CACNA1C: variants seen among roughly 807,000 people sequenced by gnomAD.
CACNA1C encodes voltage-dependent L-type calcium channel subunit alpha-1C.
Under a neutral mutation model 229.0 loss-of-function variants are expected in CACNA1C, and 30 were observed. That is an observed-to-expected ratio of 0.13 (90% CI 0.10 to 0.18). The LOEUF is 0.18. Ranked by LOEUF, CACNA1C falls within the 10% of genes least tolerant of loss-of-function variation. The pLI, the probability that CACNA1C is intolerant of heterozygous loss-of-function variation, is 1.00. For synonymous variants in CACNA1C, 1,114 were observed against 1,132.5 expected (o/e 0.98, Z 0.33); for missense variants, 1,658 against 2,845.0 (o/e 0.58, Z 9.49).
intron 3 of CACNA1C, among the ~76,000 whole-genome samples, chr12:2,271,881 G>A (rs995602748): frequency 6.6e-6 from 1 of 152,150 alleles, no homozygotes; most frequent in Non-Finnish European, 1.5e-5. Flanking sequence ...GGGTGAGAGA[G>A]TGAGACTGTC....
At chr12:2,150,365 C>T (rs1186833028) in intron 3 of CACNA1C, among the ~76,000 whole-genome samples, 2 of 152,180 alleles carry the variant, frequency 1.3e-5, no homozygotes, top group Non-Finnish European at 2.9e-5. Flanking sequence ...CCTCCATTCC[C>T]CAGTCTCCCA....
At chr12:2,024,955 T>C (rs2047058664) in intron 1 of CACNA1C, among the ~76,000 whole-genome samples, 1 of 152,216 alleles carries the variant, frequency 6.6e-6, no homozygotes, top group South Asian at 2.1e-4. Context: ...TATCCTGCAC[T>C]GTTCTTGTTT....
At chr12:2,604,262 G>A (rs183632552) in intron 22 of CACNA1C, among the ~76,000 whole-genome samples, 1 of 152,314 alleles carries the variant, frequency 6.6e-6, no homozygotes, top group East Asian at 1.9e-4. Flanking sequence ...GAGAGGAGAA[G>A]GGGACTGAGA....
chr12:2,157,433 T>C (rs535325065), intron 3 of CACNA1C, among the ~76,000 whole-genome samples: 1 of 152,306 alleles, frequency 6.6e-6, no homozygotes, highest in East Asian at 1.9e-4. Flanking sequence ...ACTGGCACAA[T>C]GGAGGGCAGC....
chr12:2,407,237 G>A (rs1252934012), intron 3 of CACNA1C, among the ~76,000 whole-genome samples: 2 of 152,292 alleles, frequency 1.3e-5, no homozygotes, highest in Admixed American at 6.5e-5. Context: ...CCTAGTTGGG[G>A]TGGAAGTTCA....
At chr12:2,573,338 A>G (rs1010376155) in intron 13 of CACNA1C, among the ~76,000 whole-genome samples, 3 of 152,190 alleles carry the variant, frequency 2.0e-5, no homozygotes, top group Non-Finnish European at 4.4e-5. Flanking sequence ...TGATTCTTAC[A>G]TCTCCACTGT....
At position 2,467,688 on chromosome 12, in the gene CACNA1C, A is replaced by G. The variant is rs2099567695; in HGVS notation, c.757+9982A>G. ...CACGCCCAGCCCCGCCCTGCCCCTT[A>G]GCACCTGCCAGGCCCACCCTCTCCC... is the stretch of plus-strand genomic sequence containing the variant. On this transcript the variant is annotated intron_variant, in intron 5 of 46. Transcript: ENST00000399655. This position sits in a 1 kb window ranked among gnomAD's most constrained non-coding sequence, Gnocchi z 4.6. Among the ~76,000 whole-genome samples, 1 of 151,996 alleles carries G rather than the reference A, an allele frequency of 6.6e-6. No individual in the cohort carries two copies. Among genetic ancestry groups the G allele is most frequent in the South Asian group, 2.1e-4 (1 of 4,818 alleles).
At chr12:2,471,932 G>A (rs2099595708) in intron 5 of CACNA1C, among the ~76,000 whole-genome samples, 1 of 152,178 alleles carries the variant, frequency 6.6e-6, no homozygotes, top group African/African-American at 2.4e-5. Flanking sequence ...ACCTGCCTAG[G>A]CCTCCCAGAG....
intron 1 of CACNA1C, among the ~76,000 whole-genome samples, chr12:2,012,891 C>T (rs1399975262): frequency 1.3e-5 from 2 of 152,200 alleles, no homozygotes; most frequent in African/African-American, 2.4e-5. Context: ...TGTATTTCTA[C>T]TCCAGTGTCA....
chr12:2,272,942 C>T (rs755569700), intron 3 of CACNA1C, among the ~76,000 whole-genome samples: 4 of 152,180 alleles, frequency 2.6e-5, no homozygotes, highest in Non-Finnish European at 5.9e-5. Context: ...GCTCATATTA[C>T]ATATTACAGT....
At chr12:2,375,283 G>C (rs1223364776) in intron 3 of CACNA1C, among the ~76,000 whole-genome samples, 1 of 152,196 alleles carries the variant, frequency 6.6e-6, no homozygotes, top group Non-Finnish European at 1.5e-5. Context: ...GGGACAGGTT[G>C]GGCTGAGATC....
At chr12:2,209,143 A>G (rs1428668365) in intron 3 of CACNA1C, among the ~76,000 whole-genome samples, 1 of 152,212 alleles carries the variant, frequency 6.6e-6, no homozygotes, top group African/African-American at 2.4e-5. Flanking sequence ...TGCCACTTCT[A>G]TCAGTAAGAC....
At chr12:2,231,651 T>G (rs979523503) in intron 3 of CACNA1C, among the ~76,000 whole-genome samples, 9 of 152,172 alleles carry the variant, frequency 5.9e-5, no homozygotes, top group African/African-American at 1.9e-4. Context: ...TCTTCCTATT[T>G]TGCAAGCAGC....
rs1461205418 is a variant in CACNA1C at position 2,479,504 on chromosome 12, A to G, written c.758-6600A>G. Reference sequence around the variant, plus strand: ...TGACTCTTTTTGTTTGGATTTGGCTAAAGTTTATTTGGAAATACAGAAGGC... The same window carrying G: ...TGACTCTTTTTGTTTGGATTTGGCTGAAGTTTATTTGGAAATACAGAAGGC... On this transcript the variant is annotated intron_variant, in intron 5 of 46. Coordinates refer to ENST00000399655, the MANE Select transcript of CACNA1C (RefSeq NM_000719.7). The surrounding 1 kb of genome is among the most constrained non-coding windows in gnomAD (Gnocchi z 4.3). Among the ~76,000 whole-genome samples the G allele has an allele frequency of 6.6e-6, 1 of 152,234 alleles. No homozygotes were observed. The highest frequency in any genetic ancestry group is 1.5e-5 in the Non-Finnish European group (1 of 68,042).
intron 5 of CACNA1C, among the ~76,000 whole-genome samples, chr12:2,466,867 A>G (rs377672207): frequency 1.7e-4 from 26 of 152,206 alleles, no homozygotes; most frequent in African/African-American, 6.0e-4. Context: ...CACTGCTTGC[A>G]GACCTTCAGC....
chr12:2,669,344 A>AG (rs2096423614), intron 38 of CACNA1C, among the ~76,000 whole-genome samples: 1 of 151,664 alleles, frequency 6.6e-6, no homozygotes, highest in Non-Finnish European at 1.5e-5. Flanking sequence ...AACTGAAAAA[A>AG]AAAATTGCAA....
rs1466628750 is a variant in CACNA1C at position 2,608,399 on chromosome 12, G to A, written c.3357-112G>A. 1 of 758,544 alleles carries A rather than the reference G, an allele frequency of 1.3e-6. No individual in the cohort carries two copies. Among genetic ancestry groups the A allele is most frequent in the South Asian group, 2.0e-5 (1 of 50,112 alleles). The allele number at this position is 758,544 out of a possible 1,614,324, so 47.0% of individuals were successfully genotyped here. On this transcript the variant is annotated intron_variant, in intron 26 of 46. Transcript: ENST00000399655. The surrounding 1 kb of genome is among the most constrained non-coding windows in gnomAD (Gnocchi z 4.2). The stretch of plus-strand genomic sequence containing the variant: ...GAGGCCGAGCTGGGACTCCAGCCCA[G>A]AGCTGTCTCCTGCACCCTGATCCCT...
At position 2,688,985 on chromosome 12, in the gene CACNA1C, G is replaced by A. The variant is rs7956107; in HGVS notation, c.6117+206G>A. 0.92 allele frequency among the ~76,000 whole-genome samples: 140,377 copies of A among 152,222 alleles called. 65,780 individuals are homozygous for A. The highest frequency in any genetic ancestry group is 1 in the East Asian group (5,166 of 5,166). ...AGATGCTATGGGCTCTCTTGAGGCT[G>A]GGCCCACTGCAGAGGGCGGCAGAAA... On this transcript the variant is annotated intron_variant, in intron 46 of 46. Coordinates refer to ENST00000399655, the MANE Select transcript of CACNA1C (RefSeq NM_000719.7).
At chr12:2,266,949 G>A (rs1406518151) in intron 3 of CACNA1C, among the ~76,000 whole-genome samples, 1 of 152,216 alleles carries the variant, frequency 6.6e-6, no homozygotes, top group East Asian at 1.9e-4. Context: ...TACTCACAGT[G>A]ATAACAGGAG....
Sources: allele counts gnomAD v4.1 joint callset (sites outside exome capture counted in the v4.1 genomes callset), GRCh38; gene constraint gnomAD v4.1.1; non-coding constraint Gnocchi (gnomAD v3.1); transcripts MANE v1.5; gene names NCBI Gene and HGNC (gene_info 2026-07-23, HGNC 2026-07-21).